ABCB5: variants seen among roughly 807,000 people sequenced by gnomAD.
ABCB5 encodes the protein ATP-binding cassette sub-family B member 5.
A neutral mutation model predicts 144.2 loss-of-function variants in ABCB5; 155 were observed. The ratio of observed to expected loss-of-function variants is 1.08; its 90% CI spans 0.94 to 1.23. ABCB5 has a LOEUF of 1.23. Ranked by LOEUF, ABCB5 falls within the 50% of genes most tolerant of loss-of-function variation. The pLI, the probability that ABCB5 is intolerant of heterozygous loss-of-function variation, is 0.00. For missense variants in ABCB5, 1,830 were observed against 1,520.8 expected, an observed-to-expected ratio of 1.20 and a Z score of -3.38; for synonymous variants, 610 against 528.6, an observed-to-expected ratio of 1.15 and a Z score of -2.11.
chr7:20,709,883 C>A (rs1763373359), intron 20 of ABCB5, among the ~76,000 whole-genome samples: 1 of 145,210 alleles, frequency 6.9e-6, no homozygotes, highest in South Asian at 2.3e-4. Flanking sequence ...AGACACCAGG[C>A]TGCCAACATG....
At chr7:20,704,872 T>C (rs1786768155) in intron 20 of ABCB5, 65 bp downstream of exon 20, 1 of 1,312,296 alleles carries the variant, frequency 7.6e-7, no homozygotes, top group Non-Finnish European at 1.1e-6. Flanking sequence ...AATGCACACA[T>C]GTGTCTGTGC....
chr7:20,641,561 T>A (rs1010562574), intron 5 of ABCB5: 1 of 153,824 alleles, frequency 6.5e-6, no homozygotes, highest in African/African-American at 2.4e-5. Flanking sequence ...AATCTAAATA[T>A]CCATGCTAGA....
chr7:20,653,346 C>T (rs1405812901), intron 13 of ABCB5, among the ~76,000 whole-genome samples: 3 of 152,150 alleles, frequency 2.0e-5, no homozygotes, highest in South Asian at 2.1e-4. Flanking sequence ...TGAGGAAACA[C>T]AATAATGAAT....
intron 7 of ABCB5, among the ~76,000 whole-genome samples, chr7:20,645,076 G>A (rs1364783744): frequency 1.3e-5 from 2 of 152,182 alleles, no homozygotes; most frequent in Non-Finnish European, 2.9e-5. Flanking sequence ...ATCATGGAGA[G>A]GAAGCAGGTG....
chr7:20,664,579 C>T (rs1016527552), intron 14 of ABCB5, among the ~76,000 whole-genome samples: 1 of 152,128 alleles, frequency 6.6e-6, no homozygotes, highest in East Asian at 1.9e-4. Context: ...ATAGAAGATA[C>T]TGATTTTCCT....
intron 16 of ABCB5, among the ~76,000 whole-genome samples, chr7:20,687,454 C>G (rs1786040137): frequency 6.6e-6 from 1 of 152,190 alleles, no homozygotes; most frequent in South Asian, 2.1e-4. Context: ...AGGAATATCT[C>G]TTCACACCAG....
intron 5 of ABCB5, among the ~76,000 whole-genome samples, chr7:20,637,608 TG>T (rs989442266): frequency 1.6e-4 from 24 of 151,924 alleles, no homozygotes; most frequent in African/African-American, 4.6e-4. Flanking sequence ...TTAGTAGAAA[TG>T]GGGGTTCTCC....
chr7:20,696,110 A>G (rs768660260), intron 16 of ABCB5, among the ~76,000 whole-genome samples: 67 of 152,142 alleles, frequency 4.4e-4, no homozygotes, highest in Non-Finnish European at 8.1e-4. Context: ...AAAGCCTTGT[A>G]TATGAATGTT....
At chr7:20,731,355 G>GAAAAAAAAAAAAAAAAAAA (rs869149519) in intron 23 of ABCB5, among the ~76,000 whole-genome samples, 2 of 127,874 alleles carry the variant, frequency 1.6e-5, no homozygotes, top group East Asian at 4.5e-4. Context: ...TCCAACTCAG[G>GAAAAAAAAAAAAAAAAAAA]AAAAAAAAAA....
chr7:20,623,575 G>C (rs1367033939), intron 2 of ABCB5, among the ~76,000 whole-genome samples: 1 of 152,120 alleles, frequency 6.6e-6, no homozygotes, highest in East Asian at 1.9e-4. Flanking sequence ...TAGTGCTTCA[G>C]ATATCTCCTC....
rs199770289 is a variant in ABCB5, at chr7:20,711,905, C to CT, written c.2421+7100dup. Among the ~76,000 whole-genome samples the CT allele has an allele frequency of 3.9e-4, 48 of 121,608 alleles. 7 individuals carry two copies. The Admixed American group carries it at 4.3e-3, about 11-fold the overall frequency. 79.8% of individuals were successfully genotyped at this position (121,608 alleles called of 152,430 possible). ...CCCTCCCTCCCTCCTTCCTTCCTTCCTTCCTTTCTTTCTCTCTCTTTCTTT... is the reference window on the plus strand; with the variant it reads ...CCCTCCCTCCCTCCTTCCTTCCTTCCTTTCCTTTCTTTCTCTCTCTTTCTTT... On this transcript the variant is annotated intron_variant, in intron 20 of 27. Coordinates refer to ENST00000404938, the MANE Select transcript of ABCB5 (RefSeq NM_001163941.2).
intron 24 of ABCB5, among the ~76,000 whole-genome samples, chr7:20,740,162 C>A (rs772883464): frequency 6.6e-6 from 1 of 152,196 alleles, no homozygotes; most frequent in Non-Finnish European, 1.5e-5. Flanking sequence ...ATCGCTTGAA[C>A]CCGGGAGGCG....
At chr7:20,672,327 G>GT (rs550878419) in intron 14 of ABCB5, among the ~76,000 whole-genome samples, 178 of 146,438 alleles carry the variant, frequency 1.2e-3, no homozygotes, top group African/African-American at 1.1e-3. Context: ...TAATTTATTA[G>GT]TTTTTTTTTT....
intron 5 of ABCB5, among the ~76,000 whole-genome samples, chr7:20,641,134 T>A (rs991602832): frequency 1.3e-5 from 2 of 152,168 alleles, no homozygotes; most frequent in Non-Finnish European, 2.9e-5. Flanking sequence ...TAACAGGCAT[T>A]TCTGACTTCA....
chr7:20,639,669 C>T (rs908208681), intron 5 of ABCB5, among the ~76,000 whole-genome samples: 1 of 152,084 alleles, frequency 6.6e-6, no homozygotes, highest in African/African-American at 2.4e-5. Flanking sequence ...TGTAGGAGTC[C>T]GTTTCTGTTC....
chr7:20,640,900 C>T (rs1161776198), intron 5 of ABCB5, among the ~76,000 whole-genome samples: 1 of 152,184 alleles, frequency 6.6e-6, no homozygotes, highest in Non-Finnish European at 1.5e-5. Context: ...TTCTCTTCAT[C>T]CCAAGCAACA....
At chr7:20,711,837 T>C (rs1562573740) in intron 20 of ABCB5, among the ~76,000 whole-genome samples, 18 of 56,328 alleles carry the variant, frequency 3.2e-4, no homozygotes, top group African/African-American at 2.6e-3. Flanking sequence ...TCTTTCTTTC[T>C]TTCTTTCTTT....
intron 14 of ABCB5, among the ~76,000 whole-genome samples, chr7:20,673,232 T>C (rs1056344652): frequency 2.6e-5 from 4 of 152,052 alleles, no homozygotes; most frequent in African/African-American, 9.7e-5. Flanking sequence ...TTGAAAATAA[T>C]GTGCATTTTG....
intron 13 of ABCB5, 108 bp downstream of exon 13, chr7:20,651,731 A>G: frequency 8.3e-7 from 1 of 1,206,914 alleles, no homozygotes; most frequent in South Asian, 1.4e-5. Context: ...GGGTGTGATT[A>G]AATTCTGGAT....
Sources: gnomAD v4.1 joint callset for allele counts (sites outside exome capture counted in the v4.1 genomes callset) on GRCh38, gnomAD v4.1.1 for gene constraint, MANE v1.5 for transcripts, NCBI Gene and HGNC (gene_info 2026-07-23, HGNC 2026-07-21) for gene names.